POM121C: variants seen among roughly 807,000 people sequenced by gnomAD.
POM121C encodes the protein POM121 transmembrane nucleoporin C.
A neutral mutation model predicts 66.4 loss-of-function variants in POM121C; 20 were observed. The ratio of observed to expected loss-of-function variants is 0.30; its 90% CI spans 0.21 to 0.44. The LOEUF is 0.44. Ranked by LOEUF, POM121C falls within the 20% of genes least tolerant of loss-of-function variation. The pLI is 1.00. For synonymous variants in POM121C, 286 were observed against 528.0 expected, an observed-to-expected ratio of 0.54 and a Z score of 6.28; for missense variants, 580 against 1,225.7, an observed-to-expected ratio of 0.47 and a Z score of 7.87.
intron 10 of POM121C, 45 bp from the exon 11 acceptor site, chr7:75,424,673 G>C (rs782543637): frequency 1.9e-6 from 3 of 1,609,292 alleles, no homozygotes; most frequent in African/African-American, 1.3e-5. Context: ...AGAAAAAACG[G>C]GAAGGCTGGG....
chr7:75,424,762 T>C (rs1417014984), intron 10 of POM121C, 134 bp from the exon 11 acceptor site: 86 of 1,349,940 alleles, frequency 6.4e-5, no homozygotes, highest in Admixed American at 1.3e-4. Flanking sequence ...AGTTTGAGGC[T>C]GGCCTGGCCA....
intron 3 of POM121C, among the ~76,000 whole-genome samples, chr7:75,452,120 C>T (rs1349344637): frequency 6.6e-6 from 1 of 152,106 alleles, no homozygotes; most frequent in African/African-American, 2.4e-5. Context: ...GCCGAGATCG[C>T]GCTGCTGCAT....
At chr7:75,485,511 G>GT (rs1373646122) in intron 1 of POM121C, among the ~76,000 whole-genome samples, 1 of 152,068 alleles carries the variant, frequency 6.6e-6, no homozygotes, top group Non-Finnish European at 1.5e-5. Flanking sequence ...CAGGTCTAAG[G>GT]GGGGGGATCA....
At chr7:75,424,316 G>A (rs1438960095) in intron 11 of POM121C, 91 bp from the exon 12 acceptor site, 4 of 1,522,550 alleles carry the variant, frequency 2.6e-6, no homozygotes, top group Middle Eastern at 2.2e-4. Flanking sequence ...CACAGCTCAT[G>A]GAGGAATGTC....
intron 7 of POM121C, among the ~76,000 whole-genome samples, chr7:75,434,688 T>C (rs587708775): frequency 6.6e-6 from 1 of 151,858 alleles, no homozygotes; most frequent in African/African-American, 2.4e-5. Context: ...GTTCCTGAGA[T>C]TCTCCTGCCT....
chr7:75,421,365 G>A (rs746375832), intron 13 of POM121C, 144 bp downstream of exon 13: 1 of 1,488,366 alleles, frequency 6.7e-7, no homozygotes, highest in Non-Finnish European at 8.9e-7. Context: ...AGCAAAACAT[G>A]TATCATGCCC....
Position 75,421,912 on chromosome 7 carries a change from C to T in POM121C, c.2340G>A (p.Thr780=), listed in dbSNP as rs369777996. The change falls in exon 13 of 15, where the codon ACG becomes ACA. Residue 780 remains threonine, a synonymous_variant. Coordinates refer to ENST00000615331, the MANE Select transcript of POM121C (RefSeq NM_001099415.3). The part of the protein sequence containing the change: ...ATHSAFGLKA[T]ASAFGAPASS... ...TGGCGGGAGCGCCGAAGGCGGAAGC[C>T]GTGGCTTTCAATCCAAACGCCGAGT... 1,872 of 1,613,146 alleles carry T rather than the reference C, an allele frequency of 1.2e-3. 9 individuals are homozygous for T. In the Middle Eastern group the frequency reaches 0.021, roughly 19 times the overall value.
intron 7 of POM121C, among the ~76,000 whole-genome samples, chr7:75,434,345 G>A (rs587665262): frequency 6.1e-5 from 9 of 148,684 alleles, no homozygotes; most frequent in East Asian, 4.0e-4. Context: ...GCATGAGGTC[G>A]GCTCACTTGA....
intron 7 of POM121C, among the ~76,000 whole-genome samples, chr7:75,435,130 C>A (rs1251363296): frequency 6.6e-6 from 1 of 152,176 alleles, no homozygotes; most frequent in Non-Finnish European, 1.5e-5. Context: ...CAAATGTATT[C>A]TTTGCAGCAT....
In POM121C at chr7:75,418,892, T is replaced by C. The variant is rs1554470182; in HGVS notation, c.2868A>G (p.Gly956=). 1 of 1,608,942 alleles carries C rather than the reference T, an allele frequency of 6.2e-7. No individual in the cohort carries two copies. Among genetic ancestry groups the C allele is most frequent in the African/African-American group, 1.3e-5 (1 of 74,568 alleles). Reference sequence around the variant, plus strand: ...CAATGGAAAATGAAGGGGCCGCCGATCCTGGAAAGATTCAACAAGACCTCA... The same window carrying C: ...CAATGGAAAATGAAGGGGCCGCCGACCCTGGAAAGATTCAACAAGACCTCA... The part of the protein sequence containing the change: ...AQGFVGVGPF[G]SAAPSFSIGA... Residue 956 remains glycine, a splice_region_variant and synonymous_variant, in exon 15 of 15, where the codon GGA becomes GGG. Coordinates refer to ENST00000615331, the MANE Select transcript of POM121C (RefSeq NM_001099415.3).
intron 7 of POM121C, among the ~76,000 whole-genome samples, chr7:75,428,717 T>C (rs150835229): frequency 0.91 from 139,134 of 152,286 alleles, 63,581 homozygotes; most frequent in East Asian, 0.97. Flanking sequence ...AGGTGGCTCA[T>C]GCCTGTAATC....
Position 75,482,545 on chromosome 7 carries a change from C to T in POM121C, c.-458+3319G>A, listed in dbSNP as rs1337973605. Among the ~76,000 whole-genome samples the T allele has an allele frequency of 5.3e-5, 8 of 152,190 alleles. No homozygotes were observed. In the South Asian group the frequency reaches 1.2e-3, roughly 24 times the overall value. On this transcript the variant is annotated intron_variant, in intron 1 of 14. Transcript: ENST00000615331. ...TCTACTAAAATACAAAAAAAATTAGCGAGGTGTGGCAGCGTGCACCTGTAG... is the reference window on the plus strand; with the variant it reads ...TCTACTAAAATACAAAAAAAATTAGTGAGGTGTGGCAGCGTGCACCTGTAG...
intron 1 of POM121C, among the ~76,000 whole-genome samples, chr7:75,478,380 A>G (rs587601663): frequency 1.3e-5 from 2 of 152,042 alleles, no homozygotes; most frequent in African/African-American, 4.8e-5. Context: ...CAGGCCATGG[A>G]GCAGGGAAGA....
intron 3 of POM121C, among the ~76,000 whole-genome samples, chr7:75,470,636 T>C (rs1291819414): frequency 6.6e-6 from 1 of 150,484 alleles, no homozygotes; most frequent in Non-Finnish European, 1.5e-5. Context: ...TAATTTAACT[T>C]TTTTTCTTTT....
chr7:75,427,997 T>C (rs1361887073), intron 7 of POM121C, among the ~76,000 whole-genome samples: 2 of 152,106 alleles, frequency 1.3e-5, no homozygotes, highest in South Asian at 2.1e-4. Context: ...TTAAAAAACA[T>C]GGGATTACAG....
At chr7:75,441,768 A>T (rs1554474051) in intron 3 of POM121C, 121 bp from the exon 4 acceptor site, 2 of 960,894 alleles carry the variant, frequency 2.1e-6, no homozygotes, top group African/African-American at 3.3e-5. Flanking sequence ...TCTACGCAAC[A>T]CAGAACACGT....
chr7:75,458,692 A>C (rs1427783773), intron 3 of POM121C, among the ~76,000 whole-genome samples: 5 of 152,274 alleles, frequency 3.3e-5, no homozygotes, highest in South Asian at 4.1e-4. Context: ...GTGCCTGCTA[A>C]TACAGAATAT....
chr7:75,478,604 C>G (rs1792182571), intron 1 of POM121C, among the ~76,000 whole-genome samples: 1 of 151,766 alleles, frequency 6.6e-6, no homozygotes, highest in Non-Finnish European at 1.5e-5. Flanking sequence ...CCCACGCTAA[C>G]CTTCTACAGA....
chr7:75,448,795 T>C (rs1338807669), intron 3 of POM121C, among the ~76,000 whole-genome samples: 2 of 150,908 alleles, frequency 1.3e-5, no homozygotes, highest in Admixed American at 1.3e-4. Flanking sequence ...AGTGAAACTC[T>C]GTCTCAAAAA....
Sources: gnomAD v4.1 joint callset for allele counts (sites outside exome capture counted in the v4.1 genomes callset) on GRCh38, gnomAD v4.1.1 for gene constraint, MANE v1.5 for transcripts, NCBI Gene and HGNC (gene_info 2026-07-23, HGNC 2026-07-21) for gene names.